Variants in FKBP10 observed in about 807,000 individuals in gnomAD.
The protein encoded by FKBP10 is peptidyl-prolyl cis-trans isomerase FKBP10.
FKBP10 carries 34 observed loss-of-function variants against 53.7 expected under a neutral mutation model. The ratio of observed to expected loss-of-function variants is 0.63; its 90% CI spans 0.48 to 0.84. The LOEUF is 0.84. Ranked by LOEUF, FKBP10 falls within the 40% of genes least tolerant of loss-of-function variation. The pLI is 0.00. For missense variants in FKBP10, 748 were observed against 797.8 expected (o/e 0.94, Z 0.75); for synonymous variants, 324 against 335.7 (o/e 0.97, Z 0.38).
In FKBP10 at chr17:41,819,894, GA is replaced by G. The variant is rs1567855532; in HGVS notation, c.1063+221del. The G allele has an allele frequency of 2.6e-6, 4 of 1,543,612 alleles. No individual in the cohort carries two copies. The Admixed American group carries it at 7.9e-5, about 30-fold the overall frequency. On this transcript the variant is annotated intron_variant, in intron 6 of 9. Transcript: ENST00000321562. ...CCCACTTCGCCCCTTCCGCAGTGGAGAAGGGCAGCCAAGTTTGGGGAGGGAG... is the reference window on the plus strand; with the variant it reads ...CCCACTTCGCCCCTTCCGCAGTGGAGAGGGCAGCCAAGTTTGGGGAGGGAG...
At chr17:41,820,090 C>T (rs2047871099) in intron 6 of FKBP10, 179 bp from the exon 7 acceptor site, 1 of 1,198,146 alleles carries the variant, frequency 8.3e-7, no homozygotes, top group East Asian at 2.6e-5. Flanking sequence ...GCTGCCTTCC[C>T]CTGCCCCCTG....
At chr17:41,817,721 T>C (rs1033312612) in intron 2 of FKBP10, among the ~76,000 whole-genome samples, 1 of 151,212 alleles carries the variant, frequency 6.6e-6, no homozygotes, top group Non-Finnish European at 1.5e-5. Context: ...CTCAGCCTCC[T>C]GGGCTCAAGC....
chr17:41,815,148 G>A (rs1171313342), intron 1 of FKBP10, among the ~76,000 whole-genome samples: 2 of 152,096 alleles, frequency 1.3e-5, no homozygotes, highest in African/African-American at 2.4e-5. Context: ...TGAAAAAGGC[G>A]GGTGGGTATT....
chr17:41,818,197 G>T lies in FKBP10; in HGVS notation c.500G>T (p.Cys167Phe). ...QVSTLLRPPHCPRMVQDGDFV... is the reference protein window; with the variant it reads ...QVSTLLRPPHFPRMVQDGDFV... The stretch of plus-strand genomic sequence containing the variant: ...AGCACATTGCTGCGCCCGCCCCACT[G>T]CCCCCGCATGGTCCAGGACGGCGAC... The change falls in exon 3 of 10, where the codon TGC (cysteine) becomes TTC (phenylalanine). Residue 167 changes from cysteine (C) to phenylalanine (F), a missense_variant. Cys to Phe is a radical substitution (Grantham distance 205). Coordinates refer to ENST00000321562, the MANE Select transcript of FKBP10 (RefSeq NM_021939.4). The T allele has an allele frequency of 6.2e-7, 1 of 1,613,574 alleles. No individual in the cohort carries two copies.
chr17:41,818,601 A>G lies in FKBP10; in HGVS notation c.727+74A>G, dbSNP rs935755082. On this transcript the variant is annotated intron_variant, in intron 4 of 9. Transcript: ENST00000321562. ...ACCAGGCCTCCACATACAGTTGCTC[A>G]GGTTGTATACTGCACGAGGGCATCC... 7.6e-6 allele frequency: 12 copies of G among 1,586,388 alleles called. No homozygotes were observed. In the Middle Eastern group the frequency reaches 5.1e-4, roughly 67 times the overall value.
intron 1 of FKBP10, among the ~76,000 whole-genome samples, chr17:41,815,153 G>A (rs952169351): frequency 6.6e-6 from 1 of 152,072 alleles, no homozygotes; most frequent in Non-Finnish European, 1.5e-5. Context: ...AAGGCGGGTG[G>A]GTATTATAAG....
chr17:41,819,846 A>G (rs2047867848), intron 6 of FKBP10, 171 bp downstream of exon 6: 1 of 1,538,284 alleles, frequency 6.5e-7, no homozygotes, highest in Non-Finnish European at 8.8e-7. Flanking sequence ...CACAGACTCC[A>G]TCGGTTTCCT....
At chr17:41,819,866 C>T (rs782028087) in intron 6 of FKBP10, 191 bp downstream of exon 6, 15 of 1,539,236 alleles carry the variant, frequency 9.7e-6, no homozygotes, top group Non-Finnish European at 1.2e-5. Flanking sequence ...TCCAGGGCAG[C>T]GCCCCACTTC....
chr17:41,822,150 TC>T (rs2091773686), intron 9 of FKBP10, 72 bp from the exon 10 acceptor site: 10 of 1,451,846 alleles, frequency 6.9e-6, no homozygotes, highest in Non-Finnish European at 9.5e-6. Flanking sequence ...CTCACTGGCC[TC>T]CACCCGGGGC....
chr17:41,821,140 T>TTTTTTG, intron 8 of FKBP10, 51 bp downstream of exon 8: 2 of 801,096 alleles, frequency 2.5e-6, no homozygotes. Context: ...TTTTTTTTTT[T>TTTTTTG]GAGATGGAGT....
At position 41,822,594 on chromosome 17, in the gene FKBP10, C is replaced by T; in HGVS notation, c.*186C>T. ...CCTAGATGAAAATCCACAGCACAGA[C>T]CTCTACCGTGTTTCTCTTCCATCCC... On this transcript the variant is annotated 3_prime_UTR_variant, in exon 10 of 10. Transcript: ENST00000321562. 2 of 671,892 alleles carry T rather than the reference C, an allele frequency of 3.0e-6. No individual in the cohort carries two copies. Among genetic ancestry groups the T allele is most frequent in the Non-Finnish European group, 5.1e-6 (2 of 390,040 alleles). The allele number at this position is 671,892 out of a possible 1,614,324, so 41.6% of individuals were successfully genotyped here. A position where few individuals can be genotyped will look rare whatever the true frequency, so the allele number is the denominator to read the frequency against.
chr17:41,819,423 G>T, intron 5 of FKBP10, 24 bp downstream of exon 5: 1 of 1,613,082 alleles, frequency 6.2e-7, no homozygotes, highest in South Asian at 1.1e-5. Context: ...TGAGGTGGGA[G>T]GGCGGGGGCT....
rs1597906824 is a variant in FKBP10, at chr17:41,818,535, T to G, written c.727+8T>G. 1 of 1,613,744 alleles carries G rather than the reference T, an allele frequency of 6.2e-7. No individual in the cohort carries two copies. The highest frequency in any genetic ancestry group is 8.5e-7 in the Non-Finnish European group (1 of 1,179,978). ...ATGGCGAGAAAGGCTATGGTGAGGG[T>G]GGGCAAGGACACAAGGGGAAATTCC... On this transcript the variant is annotated splice_region_variant and intron_variant, in intron 4 of 9. Coordinates refer to ENST00000321562, the MANE Select transcript of FKBP10 (RefSeq NM_021939.4).
At chr17:41,813,382 C>T in intron 1 of FKBP10, 103 bp downstream of exon 1, 2 of 1,498,016 alleles carry the variant, frequency 1.3e-6, no homozygotes, top group East Asian at 2.3e-5. Context: ...ATACTCTAAC[C>T]CTAGACAGCA....
chr17:41,819,215 G>C lies in FKBP10; in HGVS notation c.733G>C (p.Val245Leu). 6.2e-7 allele frequency: 1 copy of C among 1,614,144 alleles called. No homozygotes were observed. Among genetic ancestry groups the C allele is most frequent in the South Asian group, 1.1e-5 (1 of 91,082 alleles). Residue 245 changes from valine to leucine, a missense_variant, in exon 5 of 10, where the codon GTG becomes CTG. Transcript: ENST00000321562. ...AAGCCCTATCCCTTCCCCAGGGACA[G>C]TGATCCCCCCACAGGCCTCGCTGGT... is the stretch of plus-strand genomic sequence containing the variant. ...LAYGEKGYGT[V>L]IPPQASLVFH... is the part of the protein sequence containing the mutation.
rs149085017 is a variant in FKBP10 at position 41,818,545 on chromosome 17, C to T, written c.727+18C>T. The T allele has an allele frequency of 6.2e-7, 1 of 1,613,968 alleles. No homozygotes were observed. Among genetic ancestry groups the T allele is most frequent in the East Asian group, 2.2e-5 (1 of 44,874 alleles). On this transcript the variant is annotated intron_variant, in intron 4 of 9. Coordinates refer to ENST00000321562, the MANE Select transcript of FKBP10 (RefSeq NM_021939.4). ...AGGCTATGGTGAGGGTGGGCAAGGA[C>T]ACAAGGGGAAATTCCGCAGAAGAGG...
intron 2 of FKBP10, 116 bp downstream of exon 2, chr17:41,817,319 T>C (rs531212095): frequency 7.3e-7 from 1 of 1,373,022 alleles, no homozygotes; most frequent in South Asian, 1.2e-5. Flanking sequence ...AATGTCACAC[T>C]GTGCACGCAG....
chr17:41,813,805 A>C (rs1252158669), intron 1 of FKBP10, among the ~76,000 whole-genome samples: 2 of 152,148 alleles, frequency 1.3e-5, no homozygotes, highest in East Asian at 3.9e-4. Context: ...GGTGGGTATT[A>C]TAAGAAGACA....
intron 3 of FKBP10, 30 bp from the exon 4 acceptor site, chr17:41,818,352 C>T (rs1555616416): frequency 6.2e-7 from 1 of 1,614,170 alleles, no homozygotes. Context: ...GCCCAGCCTG[C>T]CTCTCCCACC....
Sources: gnomAD v4.1 joint callset for allele counts (sites outside exome capture counted in the v4.1 genomes callset) on GRCh38, gnomAD v4.1.1 for gene constraint, MANE v1.5 for transcripts, NCBI Gene and HGNC (gene_info 2026-07-23, HGNC 2026-07-21) for gene names.